The following MCHR2 variants were observed in gnomAD, a reference collection of about 807,000 sequenced individuals.
MCHR2 encodes the protein melanin concentrating hormone receptor 2.
Under a neutral mutation model 24.8 loss-of-function variants are expected in MCHR2, and 15 were observed. That is an observed-to-expected ratio of 0.60 (90% CI 0.40 to 0.93). The LOEUF (loss-of-function observed/expected upper bound fraction) is 0.93, where lower values mean the gene tolerates loss of function less well. MCHR2 is among the 40% of genes least tolerant of loss of function. The pLI, the probability that MCHR2 is intolerant of heterozygous loss-of-function variation, is 0.00. For synonymous variants in MCHR2, 151 were observed against 147.6 expected (o/e 1.02, Z -0.17); for missense variants, 386 against 408.7 (o/e 0.94, Z 0.48).
chr6:99,943,691 A>G (rs1187294101), intron 3 of MCHR2, among the ~76,000 whole-genome samples: 2 of 152,168 alleles, frequency 1.3e-5, no homozygotes, highest in African/African-American at 4.8e-5. Flanking sequence ...TCTGCCTGGT[A>G]TCTGTAGAGA....
At chr6:99,964,879 C>G (rs927559097) in intron 1 of MCHR2, among the ~76,000 whole-genome samples, 1 of 151,894 alleles carries the variant, frequency 6.6e-6, no homozygotes, top group East Asian at 1.9e-4. Context: ...TAAGGAAGGG[C>G]AAAAAGCAGA....
At chr6:99,970,211 T>C (rs1381715348) in intron 1 of MCHR2, among the ~76,000 whole-genome samples, 1 of 151,668 alleles carries the variant, frequency 6.6e-6, no homozygotes, top group East Asian at 1.9e-4. Flanking sequence ...CCACATCCTC[T>C]CCAGCACCTG....
intron 1 of MCHR2, among the ~76,000 whole-genome samples, chr6:99,959,236 T>G (rs1351629325): frequency 6.6e-6 from 1 of 152,006 alleles, no homozygotes; most frequent in African/African-American, 2.4e-5. Flanking sequence ...TAGATACCAA[T>G]GGAAAAAGAA....
At chr6:99,960,199 GA>G (rs542641909) in intron 1 of MCHR2, among the ~76,000 whole-genome samples, 2 of 151,902 alleles carry the variant, frequency 1.3e-5, no homozygotes, top group Admixed American at 6.6e-5. Flanking sequence ...TGTGCTGAAA[GA>G]AAAAAACTGT....
Position 99,942,997 on chromosome 6 carries a change from C to T in MCHR2, c.539G>A (p.Gly180Asp), listed in dbSNP as rs769949639. 6.2e-7 allele frequency: 1 copy of T among 1,612,966 alleles called. No individual in the cohort carries two copies. Among genetic ancestry groups the T allele is most frequent in the Non-Finnish European group, 8.5e-7 (1 of 1,179,266 alleles). ...CAAATCAAAAGCACAACTCTCAACA[C>T]CGTCTTTAAATTTGATGACCTTCGA... ...VYSKVIKFKD[G>D]VESCAFDLTS... The change falls in exon 4 of 6, where the codon GGT becomes GAT. Residue 180 changes from glycine (G) to aspartate (D), a missense_variant. By Grantham distance (94) the Gly-to-Asp change is moderately conservative (BLOSUM62 -1). Coordinates refer to ENST00000281806, the MANE Select transcript of MCHR2 (RefSeq NM_001040179.2).
At position 99,920,936 on chromosome 6, in the gene MCHR2, T is replaced by C; in HGVS notation, c.*4A>G. On this transcript the variant is annotated 3_prime_UTR_variant, in exon 6 of 6. Transcript: ENST00000281806. ...TCTAGACTCATGGTGATCCATGTACTTTCCTAAAAGTGTGATTTCAGAGTG... is the reference window on the plus strand; with the variant it reads ...TCTAGACTCATGGTGATCCATGTACCTTCCTAAAAGTGTGATTTCAGAGTG... The C allele has an allele frequency of 6.2e-7, 1 of 1,613,286 alleles. No individual in the cohort carries two copies. The highest frequency in any genetic ancestry group is 1.1e-5 in the South Asian group (1 of 90,978).
At chr6:99,957,462 C>T (rs1341293580) in intron 1 of MCHR2, among the ~76,000 whole-genome samples, 1 of 152,040 alleles carries the variant, frequency 6.6e-6, no homozygotes, top group Non-Finnish European at 1.5e-5. Context: ...ATAATTGAAT[C>T]TCCCCTGAAG....
At chr6:99,958,643 C>T (rs1481819787) in intron 1 of MCHR2, among the ~76,000 whole-genome samples, 5 of 152,138 alleles carry the variant, frequency 3.3e-5, no homozygotes, top group African/African-American at 9.7e-5. Context: ...ATACATGGAA[C>T]AATTCCCTTT....
chr6:99,979,418 A>C (rs1775622156), intron 1 of MCHR2, among the ~76,000 whole-genome samples: 1 of 152,196 alleles, frequency 6.6e-6, no homozygotes, highest in Admixed American at 6.5e-5. Context: ...AGTAGCCACT[A>C]GCCACATGTG....
intron 1 of MCHR2, among the ~76,000 whole-genome samples, chr6:99,991,823 A>G (rs1465867142): frequency 6.6e-6 from 1 of 150,468 alleles, no homozygotes. Context: ...AAAAAAAAAA[A>G]AAAGAAAAGA....
intron 2 of MCHR2, among the ~76,000 whole-genome samples, chr6:99,953,298 C>T (rs1774999654): frequency 6.6e-6 from 1 of 152,122 alleles, no homozygotes; most frequent in Non-Finnish European, 1.5e-5. Flanking sequence ...GAAGGGCTAA[C>T]ACCTAATAAG....
In MCHR2 at chr6:99,920,815, C is replaced by CA. The variant is rs2114478619; in HGVS notation, c.*124dup. On this transcript the variant is annotated 3_prime_UTR_variant, in exon 6 of 6. Coordinates refer to ENST00000281806, the MANE Select transcript of MCHR2 (RefSeq NM_001040179.2). The stretch of plus-strand genomic sequence containing the variant: ...TATTTGCATGGTTACACTTCTCTTC[C>CA]ATGCTGCTAAGAGTCACAAGTACAC... 1.1e-6 allele frequency: 1 copy of CA among 913,810 alleles called. No homozygotes were observed. Among genetic ancestry groups the CA allele is most frequent in the Non-Finnish European group, 1.7e-6 (1 of 590,606 alleles). 56.6% of individuals were successfully genotyped at this position (913,810 alleles called of 1,614,324 possible). A position where few individuals can be genotyped will look rare whatever the true frequency, so the allele number is the denominator to read the frequency against.
intron 3 of MCHR2, among the ~76,000 whole-genome samples, chr6:99,945,426 A>G (rs1774856851): frequency 6.6e-6 from 1 of 152,182 alleles, no homozygotes. Flanking sequence ...GGATATTTAT[A>G]TATTGTTTTT....
intron 1 of MCHR2, among the ~76,000 whole-genome samples, chr6:99,982,467 G>GAAAAAAGAAAA (rs1324167679): frequency 4.3e-5 from 2 of 46,642 alleles, no homozygotes; most frequent in African/African-American, 1.8e-4. Context: ...TGTCTGTACA[G>GAAAAAAGAAAA]AAAAAAAAAA....
intron 1 of MCHR2, among the ~76,000 whole-genome samples, chr6:99,982,293 C>T (rs1775683696): frequency 6.6e-6 from 1 of 151,800 alleles, no homozygotes; most frequent in African/African-American, 2.4e-5. Flanking sequence ...CCCAACCCTA[C>T]TCAGGATGGC....
intron 1 of MCHR2, among the ~76,000 whole-genome samples, chr6:99,970,099 A>G (rs368106850): frequency 0.016 from 2,466 of 150,054 alleles, 36 homozygotes; most frequent in African/African-American, 0.04. Context: ...TGGGTCAAAT[A>G]GTATTTCTAG....
intron 1 of MCHR2, among the ~76,000 whole-genome samples, chr6:99,963,118 G>A (rs1233585395): frequency 6.7e-6 from 1 of 148,288 alleles, no homozygotes; most frequent in Non-Finnish European, 1.5e-5. Context: ...TTAAAAAAAA[G>A]TGGCAAAACA....
chr6:99,973,718 T>G (rs1251700809), intron 1 of MCHR2, among the ~76,000 whole-genome samples: 1 of 152,246 alleles, frequency 6.6e-6, no homozygotes, highest in African/African-American at 2.4e-5. Flanking sequence ...CTTTCCATGT[T>G]TAGTGCTTCC....
At position 99,919,032 on chromosome 6, in the gene MCHR2, G is replaced by T. The variant is rs1284931270; in HGVS notation, c.*1908C>A. 1.3e-5 allele frequency among the ~76,000 whole-genome samples: 2 copies of T among 152,158 alleles called. No individual in the cohort carries two copies. The highest frequency in any genetic ancestry group is 3.8e-4 in the East Asian group (2 of 5,196). On this transcript the variant is annotated 3_prime_UTR_variant, in exon 6 of 6. Transcript: ENST00000281806. Reference sequence around the variant, plus strand: ...CATAATAAGATGTTTCTGACCCATTGTGCTGGGTCTTCAGAAGTCAATATT... The same window carrying T: ...CATAATAAGATGTTTCTGACCCATTTTGCTGGGTCTTCAGAAGTCAATATT...
Sources: allele counts gnomAD v4.1 joint callset (sites outside exome capture counted in the v4.1 genomes callset), GRCh38; gene constraint gnomAD v4.1.1; transcripts MANE v1.5; gene names NCBI Gene and HGNC (gene_info 2026-07-23, HGNC 2026-07-21).